Variants in DTL observed in about 807,000 individuals in gnomAD.
DTL encodes the protein denticleless E3 ubiquitin protein ligase adapter.
In DTL, 46 loss-of-function variants were observed where a neutral mutation model predicts 87.0. The observed-to-expected ratio is 0.53, with a 90% CI of 0.42 to 0.68. DTL has a LOEUF of 0.68. DTL is among the 30% of genes least tolerant of loss of function. The pLI is 0.00. For synonymous variants in DTL, 308 were observed against 311.2 expected (o/e 0.99, Z 0.11); for missense variants, 737 against 869.4 (o/e 0.85, Z 1.91).
At chr1:212,071,764 A>G (rs1224667753) in intron 10 of DTL, among the ~76,000 whole-genome samples, 3 of 152,180 alleles carry the variant, frequency 2.0e-5, no homozygotes, top group Admixed American at 2.0e-4. Context: ...TGGGCTGGAG[A>G]GAGAGGGTCT....
In DTL at chr1:212,068,625, A is replaced by G. The variant is rs759206508; in HGVS notation, c.844A>G (p.Thr282Ala). 24 of 1,612,994 alleles carry G rather than the reference A, an allele frequency of 1.5e-5. No individual in the cohort carries two copies. The highest frequency in any genetic ancestry group is 2.0e-5 in the Non-Finnish European group (24 of 1,179,356). Residue 282 changes from threonine (T) to alanine (A), a missense_variant, in exon 10 of 15, where the codon ACT (threonine) becomes GCT (alanine). Coordinates refer to ENST00000366991, the MANE Select transcript of DTL (RefSeq NM_016448.4). ...ATATTCAAGTCTGATTTTGGATTCC[A>G]CTGGCTCTACTTTATTTGCTAATTG... ...LGYSSLILDS[T>A]GSTLFANCTD...
rs528954322 is a variant in DTL at position 212,068,718 on chromosome 1, A to T, written c.922+15A>T. 2.7e-6 allele frequency: 4 copies of T among 1,508,426 alleles called. No individual in the cohort carries two copies. In the Admixed American group the frequency reaches 7.0e-5, roughly 26 times the overall value. 93.4% of individuals were successfully genotyped at this position (1,508,426 alleles called of 1,614,324 possible). ...GACTTCTCCAGGTAAGATATTAGTC[A>T]TTCAAATTCTCTTACCAGGAAAGCA... On this transcript the variant is annotated intron_variant, in intron 10 of 14. Transcript: ENST00000366991.
Position 212,101,060 on chromosome 1 carries a change from G to C in DTL, c.2070G>C (p.Gln690His), listed in dbSNP as rs756637344. 3.7e-6 allele frequency: 6 copies of C among 1,610,066 alleles called. No individual in the cohort carries two copies. Among genetic ancestry groups the C allele is most frequent in the Non-Finnish European group, 4.2e-6 (5 of 1,178,240 alleles). ...CCCAGACACCCAATTCCAGGAGACAGAGCGGAAAGAAATTGCCAAGCCCGG... is the reference window on the plus strand; with the variant it reads ...CCCAGACACCCAATTCCAGGAGACACAGCGGAAAGAAATTGCCAAGCCCGG... ...PSSQTPNSRR[Q>H]SGKKLPSPVT... The change falls in exon 14 of 15, where the codon CAG becomes CAC. Residue 690 changes from glutamine to histidine, a missense_variant. Transcript: ENST00000366991.
intron 6 of DTL, among the ~76,000 whole-genome samples, chr1:212,063,858 A>G (rs1654410067): frequency 6.6e-6 from 1 of 151,614 alleles, no homozygotes; most frequent in Non-Finnish European, 1.5e-5. Flanking sequence ...TTGTGTTGGG[A>G]ACATTACAAT....
chr1:212,094,965 A>G (rs1241359078), intron 13 of DTL, among the ~76,000 whole-genome samples: 1 of 152,172 alleles, frequency 6.6e-6, no homozygotes, highest in African/African-American at 2.4e-5. Context: ...AACAGAATTC[A>G]TTTATCAGAT....
intron 13 of DTL, among the ~76,000 whole-genome samples, chr1:212,086,747 A>G (rs546695494): frequency 3.3e-4 from 51 of 152,338 alleles, no homozygotes; most frequent in Admixed American, 1.0e-3. Context: ...ACTTGAGTAA[A>G]TGTTCCATAA....
Position 212,066,792 on chromosome 1 carries a change from T to C in DTL, c.640-20T>C, listed in dbSNP as rs1397930714. ...TTATGATGCCCAAGATAGAATCTTC[T>C]TCTTTTCTTGTGCTATCAGGATTTC... On this transcript the variant is annotated intron_variant, in intron 7 of 14. Transcript: ENST00000366991. The C allele has an allele frequency of 1.2e-6, 2 of 1,610,156 alleles. No individual in the cohort carries two copies. Among genetic ancestry groups the C allele is most frequent in the Non-Finnish European group, 1.7e-6 (2 of 1,176,978 alleles).
intron 5 of DTL, among the ~76,000 whole-genome samples, chr1:212,049,264 T>C (rs933938595): frequency 6.6e-6 from 1 of 152,204 alleles, no homozygotes; most frequent in Non-Finnish European, 1.5e-5. Flanking sequence ...TTTACTGTGG[T>C]TGCAGTTGAA....
intron 1 of DTL, among the ~76,000 whole-genome samples, chr1:212,042,115 C>T (rs1478606908): frequency 6.6e-6 from 1 of 152,090 alleles, no homozygotes; most frequent in Non-Finnish European, 1.5e-5. Flanking sequence ...TCCTCCAATG[C>T]TTATTGAACA....
At chr1:212,078,069 G>T in intron 11 of DTL, 104 bp from the exon 12 acceptor site, 5 of 611,518 alleles carry the variant, frequency 8.2e-6, no homozygotes, top group South Asian at 2.5e-5. Context: ...AGTGGCCTTT[G>T]GTAACAATCC....
intron 13 of DTL, among the ~76,000 whole-genome samples, chr1:212,084,580 T>G (rs1655076801): frequency 6.6e-6 from 1 of 152,230 alleles, no homozygotes; most frequent in Non-Finnish European, 1.5e-5. Flanking sequence ...ACAGACCCTC[T>G]GCCTCATAGT....
At chr1:212,100,188 T>C in intron 13 of DTL, 64 bp from the exon 14 acceptor site, 1 of 1,303,990 alleles carries the variant, frequency 7.7e-7, no homozygotes, top group South Asian at 1.5e-5. Flanking sequence ...TTTTTCTTGA[T>C]GAGAATTTAG....
chr1:212,082,397 G>A (rs1264229493), intron 13 of DTL, among the ~76,000 whole-genome samples: 1 of 152,148 alleles, frequency 6.6e-6, no homozygotes, highest in African/African-American at 2.4e-5. Context: ...GAAAGAAGCA[G>A]GGTTGAAGTT....
Position 212,035,861 on chromosome 1 carries a change from C to T in DTL, c.-30C>T, listed in dbSNP as rs1277871441. On this transcript the variant is annotated 5_prime_UTR_variant, in exon 1 of 15. Transcript: ENST00000366991. The stretch of plus-strand genomic sequence containing the variant: ...ACTTGGAGGCATTTCTACGACTTTT[C>T]TCTCAGCTGAGGCTTTTCCTCCGAC... 3.1e-6 allele frequency: 5 copies of T among 1,612,946 alleles called. No homozygotes were observed. Among genetic ancestry groups the T allele is most frequent in the Middle Eastern group, 1.6e-4 (1 of 6,082 alleles).
intron 13 of DTL, among the ~76,000 whole-genome samples, chr1:212,090,679 G>T (rs750186375): frequency 6.6e-6 from 1 of 152,338 alleles, no homozygotes; most frequent in Admixed American, 6.5e-5. Context: ...TATTTACTAA[G>T]TTTGATTTGA....
At chr1:212,054,710 G>A (rs1026409161) in intron 5 of DTL, among the ~76,000 whole-genome samples, 5 of 147,770 alleles carry the variant, frequency 3.4e-5, no homozygotes, top group East Asian at 2.0e-4. Context: ...CGGGAGAAGC[G>A]CTTGAACCTG....
chr1:212,086,589 C>T (rs970006662), intron 13 of DTL, among the ~76,000 whole-genome samples: 2 of 96,040 alleles, frequency 2.1e-5, no homozygotes, highest in African/African-American at 8.4e-5. Flanking sequence ...GGGGTTTCGC[C>T]ATGTTGCCCA....
chr1:212,047,057 A>C, intron 3 of DTL, 94 bp from the exon 4 acceptor site: 1 of 1,095,198 alleles, frequency 9.1e-7, no homozygotes, highest in Admixed American at 2.0e-5. Context: ...TGATCTTTTT[A>C]CTACTACAGC....
intron 2 of DTL, among the ~76,000 whole-genome samples, chr1:212,043,463 G>A (rs1667712334): frequency 6.6e-6 from 1 of 152,064 alleles, no homozygotes; most frequent in Admixed American, 6.6e-5. Context: ...GACTCATTGG[G>A]GAATATATGA....
Sources: allele counts gnomAD v4.1 joint callset (sites outside exome capture counted in the v4.1 genomes callset), GRCh38; gene constraint gnomAD v4.1.1; transcripts MANE v1.5; gene names NCBI Gene and HGNC (gene_info 2026-07-23, HGNC 2026-07-21).